The following ZNF804A variants were observed in gnomAD, a reference collection of about 807,000 sequenced individuals.
The protein encoded by ZNF804A is zinc finger protein 804A.
A neutral mutation model predicts 16.5 loss-of-function variants in ZNF804A; 2 were observed. The observed-to-expected ratio is 0.12, with a 90% CI of 0.05 to 0.38. The LOEUF (loss-of-function observed/expected upper bound fraction) is 0.38, where lower values mean the gene tolerates loss of function less well. Ranked by LOEUF, ZNF804A falls within the 10% of genes least tolerant of loss-of-function variation. ZNF804A has a pLI of 0.99. For synonymous variants in ZNF804A, 534 were observed against 489.6 expected, an observed-to-expected ratio of 1.09 and a Z score of -1.20; for missense variants, 1,473 against 1,390.7, an observed-to-expected ratio of 1.06 and a Z score of -0.94.
chr2:184,806,595 T>C (rs1297678070), intron 1 of ZNF804A, among the ~76,000 whole-genome samples: 1 of 151,840 alleles, frequency 6.6e-6, no homozygotes, highest in African/African-American at 2.4e-5. Context: ...TAACTGTAGA[T>C]ATTGTTTAAT....
At chr2:184,720,724 C>T (rs866335060) in intron 1 of ZNF804A, among the ~76,000 whole-genome samples, 33 of 152,130 alleles carry the variant, frequency 2.2e-4, no homozygotes, top group Non-Finnish European at 3.7e-4. Flanking sequence ...ATCAAAGTAC[C>T]GATGTCATTT....
chr2:184,653,717 A>C (rs1358027951), intron 1 of ZNF804A, among the ~76,000 whole-genome samples: 2 of 152,152 alleles, frequency 1.3e-5, no homozygotes. Context: ...TGCACAGTGC[A>C]TTTACAGGAG....
At chr2:184,796,120 A>G (rs1293148226) in intron 1 of ZNF804A, among the ~76,000 whole-genome samples, 1 of 152,070 alleles carries the variant, frequency 6.6e-6, no homozygotes, top group African/African-American at 2.4e-5. Context: ...TCAATTAGCT[A>G]GTATTGTGTT....
intron 1 of ZNF804A, among the ~76,000 whole-genome samples, chr2:184,767,302 A>G (rs1021202057): frequency 6.6e-6 from 1 of 152,170 alleles, no homozygotes; most frequent in African/African-American, 2.4e-5. Flanking sequence ...ATTCTACAAA[A>G]TGGATCAACC....
chr2:184,867,051 G>A (rs1274564124), intron 2 of ZNF804A, among the ~76,000 whole-genome samples: 1 of 151,630 alleles, frequency 6.6e-6, no homozygotes, highest in Non-Finnish European at 1.5e-5. Flanking sequence ...ATATATCTAT[G>A]ATTTTGTTCA....
chr2:184,638,741 A>T (rs1317596380), intron 1 of ZNF804A, among the ~76,000 whole-genome samples: 1 of 152,108 alleles, frequency 6.6e-6, no homozygotes, highest in Non-Finnish European at 1.5e-5. Context: ...ATATTTTGTG[A>T]GAAAAAAGAA....
chr2:184,704,442 TAA>T (rs930055479), intron 1 of ZNF804A, among the ~76,000 whole-genome samples: 5 of 152,036 alleles, frequency 3.3e-5, no homozygotes, highest in African/African-American at 1.2e-4. Flanking sequence ...TAAAAGAGGT[TAA>T]AAAGAATATA....
At position 184,674,874 on chromosome 2, in the gene ZNF804A, A is replaced by G. The variant is rs560819774; in HGVS notation, c.111+75804A>G. On this transcript the variant is annotated intron_variant, in intron 1 of 3. Coordinates refer to ENST00000302277, the MANE Select transcript of ZNF804A (RefSeq NM_194250.2). ...TCCATGTCAACAACTTTTTAATTAA[A>G]ATAATAAAGAAAAAGAAACAGTCTT... 3.3e-3 allele frequency among the ~76,000 whole-genome samples: 496 copies of G among 152,008 alleles called. 3 individuals are homozygous for G. The highest frequency in any genetic ancestry group is 6.8e-3 in the Middle Eastern group (2 of 294).
intron 1 of ZNF804A, among the ~76,000 whole-genome samples, chr2:184,811,629 C>T (rs1427987490): frequency 1.3e-5 from 2 of 152,104 alleles, no homozygotes; most frequent in African/African-American, 2.4e-5. Flanking sequence ...AAGAAAATCC[C>T]TTAAGGCCAA....
chr2:184,794,242 A>AT (rs887135282), intron 1 of ZNF804A, among the ~76,000 whole-genome samples: 13 of 151,172 alleles, frequency 8.6e-5, no homozygotes, highest in East Asian at 5.8e-4. Flanking sequence ...TAAATTTTTA[A>AT]TTTTTTTTTA....
intron 1 of ZNF804A, among the ~76,000 whole-genome samples, chr2:184,756,022 A>G (rs1182107384): frequency 6.6e-6 from 1 of 152,032 alleles, no homozygotes; most frequent in East Asian, 1.9e-4. Flanking sequence ...AACCCTTGCA[A>G]AAACAAACTG....
intron 1 of ZNF804A, among the ~76,000 whole-genome samples, chr2:184,849,142 A>G (rs1695564948): frequency 6.6e-6 from 1 of 152,040 alleles, no homozygotes; most frequent in Admixed American, 6.6e-5. Flanking sequence ...AATAAAAGAG[A>G]AAATAATTTA....
At chr2:184,854,038 C>T (rs1179394338) in intron 1 of ZNF804A, among the ~76,000 whole-genome samples, 1 of 151,678 alleles carries the variant, frequency 6.6e-6, no homozygotes, top group Non-Finnish European at 1.5e-5. Context: ...GCCATCAGGT[C>T]CTGGGCTTTT....
intron 1 of ZNF804A, among the ~76,000 whole-genome samples, chr2:184,691,300 C>T (rs1445255023): frequency 6.6e-6 from 1 of 151,788 alleles, no homozygotes; most frequent in Non-Finnish European, 1.5e-5. Flanking sequence ...TAGAAGTGCC[C>T]CTTTCTTTGT....
At chr2:184,657,576 A>T (rs1257265089) in intron 1 of ZNF804A, among the ~76,000 whole-genome samples, 1 of 152,142 alleles carries the variant, frequency 6.6e-6, no homozygotes, top group Non-Finnish European at 1.5e-5. Flanking sequence ...ATCATCTGAG[A>T]TTTCTTACAA....
chr2:184,731,564 C>CTTTTTTTTTT (rs34877709), intron 1 of ZNF804A, among the ~76,000 whole-genome samples: 2 of 84,682 alleles, frequency 2.4e-5, no homozygotes, highest in Non-Finnish European at 2.2e-5. Context: ...GTCTTTAACG[C>CTTTTTTTTTT]TTTTTTTTTT....
At chr2:184,928,103 G>A (rs932356398) in intron 2 of ZNF804A, among the ~76,000 whole-genome samples, 5 of 152,000 alleles carry the variant, frequency 3.3e-5, no homozygotes, top group African/African-American at 1.2e-4. Context: ...TGGGAGCCAG[G>A]AAGTCACAGA....
At chr2:184,843,579 A>G (rs1695470858) in intron 1 of ZNF804A, among the ~76,000 whole-genome samples, 1 of 152,020 alleles carries the variant, frequency 6.6e-6, no homozygotes. Flanking sequence ...TGGCCCTGCC[A>G]TCAACCTTTA....
intron 1 of ZNF804A, among the ~76,000 whole-genome samples, chr2:184,856,885 C>T (rs774222283): frequency 1.3e-4 from 20 of 152,064 alleles, no homozygotes; most frequent in Non-Finnish European, 1.9e-4. Flanking sequence ...TAGTCTCAAG[C>T]ATATCAGATA....
Sources: allele counts gnomAD v4.1 joint callset (sites outside exome capture counted in the v4.1 genomes callset), GRCh38; gene constraint gnomAD v4.1.1; transcripts MANE v1.5; gene names NCBI Gene and HGNC (gene_info 2026-07-23, HGNC 2026-07-21).